The following STXBP6 variants were observed in gnomAD, a reference collection of about 807,000 sequenced individuals.
STXBP6 encodes syntaxin binding protein 6.
A neutral mutation model predicts 26.9 loss-of-function variants in STXBP6; 21 were observed. That is an observed-to-expected ratio of 0.78 (90% CI 0.55 to 1.12). The LOEUF (loss-of-function observed/expected upper bound fraction) is 1.12. STXBP6 is among the 50% of genes most tolerant of loss of function. The pLI, the probability that STXBP6 is intolerant of heterozygous loss-of-function variation, is 0.00. For synonymous variants in STXBP6, 97 were observed against 92.6 expected (o/e 1.05, Z -0.27); for missense variants, 232 against 257.9 (o/e 0.90, Z 0.69).
chr14:24,916,471 A>C (rs2071770207), intron 2 of STXBP6, among the ~76,000 whole-genome samples: 1 of 152,142 alleles, frequency 6.6e-6, no homozygotes, highest in South Asian at 2.1e-4. Flanking sequence ...GCCATAGCAA[A>C]ATATCTGCAG....
At chr14:25,025,331 G>T (rs562091475) in intron 1 of STXBP6, among the ~76,000 whole-genome samples, 8 of 152,132 alleles carry the variant, frequency 5.3e-5, no homozygotes, top group African/African-American at 1.9e-4. Context: ...TCCCTATGCT[G>T]GTTCTGGAGG....
At chr14:24,992,409 A>C (rs1029217460) in intron 1 of STXBP6, among the ~76,000 whole-genome samples, 3 of 152,148 alleles carry the variant, frequency 2.0e-5, no homozygotes, top group Middle Eastern at 3.2e-3. Flanking sequence ...TGAAGAAAAA[A>C]TAAGTAGGAA....
Position 24,962,511 on chromosome 14 carries a change from T to C in STXBP6, c.154+12154A>G, listed in dbSNP as rs530288581. Among the ~76,000 whole-genome samples, 77 of 151,810 alleles carry C rather than the reference T, an allele frequency of 5.1e-4. No homozygotes were observed. The Middle Eastern group carries it at 0.01, about 20-fold the overall frequency. On this transcript the variant is annotated intron_variant, in intron 2 of 5. Transcript: ENST00000323944. The stretch of plus-strand genomic sequence containing the variant: ...CACCTGGCTAATTTTTGTATTTTAA[T>C]GAGATGGGGTTTCTCCACGTTGGCC...
At chr14:24,856,900 C>T in intron 3 of STXBP6, 127 bp downstream of exon 3, 1 of 1,199,018 alleles carries the variant, frequency 8.3e-7, no homozygotes, top group Non-Finnish European at 1.1e-6. Context: ...AAGTTTTAAT[C>T]ACATAATTGA....
At chr14:24,823,604 T>C (rs1034426581) in intron 4 of STXBP6, among the ~76,000 whole-genome samples, 1 of 152,122 alleles carries the variant, frequency 6.6e-6, no homozygotes, top group African/African-American at 2.4e-5. Flanking sequence ...ATCTAAAACA[T>C]AAATAATAAA....
chr14:24,904,719 C>T (rs2139664881), intron 2 of STXBP6, among the ~76,000 whole-genome samples: 1 of 152,296 alleles, frequency 6.6e-6, no homozygotes, highest in South Asian at 2.1e-4. Context: ...CAGCAGTCTA[C>T]AAGCCAGGAA....
chr14:24,878,278 C>T (rs757014988), intron 2 of STXBP6, among the ~76,000 whole-genome samples: 36 of 152,040 alleles, frequency 2.4e-4, no homozygotes, highest in East Asian at 5.8e-4. Flanking sequence ...GATTTTCAGT[C>T]GTGGTCAGGA....
At chr14:24,846,452 G>A (rs571432560) in intron 4 of STXBP6, among the ~76,000 whole-genome samples, 98 of 151,940 alleles carry the variant, frequency 6.4e-4, no homozygotes, top group African/African-American at 2.3e-3. Flanking sequence ...CCTTATAATC[G>A]TTTGGCCACC....
At chr14:24,869,387 T>TA (rs776152299) in intron 2 of STXBP6, among the ~76,000 whole-genome samples, 7 of 152,182 alleles carry the variant, frequency 4.6e-5, no homozygotes, top group Non-Finnish European at 8.8e-5. Context: ...AACCCATTGT[T>TA]ATACACATCA....
chr14:24,927,019 T>C (rs2072199990), intron 2 of STXBP6, among the ~76,000 whole-genome samples: 1 of 152,146 alleles, frequency 6.6e-6, no homozygotes, highest in Non-Finnish European at 1.5e-5. Flanking sequence ...TTAAAACATT[T>C]TAGTGGACGC....
At chr14:24,919,062 T>A (rs2071880469) in intron 2 of STXBP6, among the ~76,000 whole-genome samples, 1 of 152,060 alleles carries the variant, frequency 6.6e-6, no homozygotes, top group Non-Finnish European at 1.5e-5. Flanking sequence ...CAGTCACACA[T>A]CCTTGCCTAA....
intron 1 of STXBP6, among the ~76,000 whole-genome samples, chr14:25,012,813 G>T (rs904046541): frequency 6.6e-6 from 1 of 152,112 alleles, no homozygotes; most frequent in Non-Finnish European, 1.5e-5. Context: ...AGAACCATTG[G>T]CCTAGCATAC....
chr14:25,023,308 G>GAA (rs904721160), intron 1 of STXBP6, among the ~76,000 whole-genome samples: 1 of 139,772 alleles, frequency 7.2e-6, no homozygotes, highest in Non-Finnish European at 1.6e-5. Flanking sequence ...GATATTGTTT[G>GAA]AAAAAAAAAA....
chr14:24,957,755 G>A (rs1199033318), intron 2 of STXBP6, among the ~76,000 whole-genome samples: 2 of 152,164 alleles, frequency 1.3e-5, no homozygotes, highest in Non-Finnish European at 2.9e-5. Flanking sequence ...GCCTTAGAAA[G>A]GCCTACTGGC....
At chr14:24,908,281 T>G (rs1483803042) in intron 2 of STXBP6, among the ~76,000 whole-genome samples, 1 of 152,208 alleles carries the variant, frequency 6.6e-6, no homozygotes, top group Non-Finnish European at 1.5e-5. Flanking sequence ...ATATCCTGAA[T>G]ACAACACTGG....
At chr14:25,003,237 C>G (rs958829010) in intron 1 of STXBP6, among the ~76,000 whole-genome samples, 3 of 152,268 alleles carry the variant, frequency 2.0e-5, no homozygotes, top group African/African-American at 7.2e-5. Flanking sequence ...AAGCTGTAGA[C>G]AGGAGTCCCA....
chr14:24,937,076 G>A (rs2072625739), intron 2 of STXBP6, among the ~76,000 whole-genome samples: 1 of 152,194 alleles, frequency 6.6e-6, no homozygotes, highest in Non-Finnish European at 1.5e-5. Context: ...ACTCATAAGT[G>A]GGAGTTGAAC....
At chr14:24,936,711 AT>A (rs2072614360) in intron 2 of STXBP6, among the ~76,000 whole-genome samples, 1 of 152,336 alleles carries the variant, frequency 6.6e-6, no homozygotes, top group South Asian at 2.1e-4. Context: ...ATTTCTCTAC[AT>A]CCTCTCCAAC....
chr14:24,826,303 AT>A (rs1566384042), intron 4 of STXBP6, among the ~76,000 whole-genome samples: 1 of 152,164 alleles, frequency 6.6e-6, no homozygotes, highest in Non-Finnish European at 1.5e-5. Flanking sequence ...TTGGTCTAGT[AT>A]CTATCTCATG....
Sources: allele counts gnomAD v4.1 joint callset (sites outside exome capture counted in the v4.1 genomes callset), GRCh38; gene constraint gnomAD v4.1.1; transcripts MANE v1.5; gene names NCBI Gene and HGNC (gene_info 2026-07-23, HGNC 2026-07-21).